ZFHX3: variants seen among roughly 807,000 people sequenced by gnomAD.
ZFHX3 encodes zinc finger homeobox protein 3.
In ZFHX3, 42 loss-of-function variants were observed where a neutral mutation model predicts 279.1. The ratio of observed to expected loss-of-function variants is 0.15; its 90% CI spans 0.12 to 0.19. ZFHX3 has a LOEUF of 0.19. Ranked by LOEUF, ZFHX3 falls within the 10% of genes least tolerant of loss-of-function variation. ZFHX3 has a pLI of 1.00. For synonymous variants in ZFHX3, 2,293 were observed against 1,957.8 expected (o/e 1.17, Z -4.52); for missense variants, 4,981 against 4,754.0 (o/e 1.05, Z -1.40).
intron 4 of ZFHX3, among the ~76,000 whole-genome samples, chr16:72,830,221 C>G (rs1228028519): frequency 6.6e-6 from 1 of 152,252 alleles, no homozygotes; most frequent in Non-Finnish European, 1.5e-5. Flanking sequence ...GTCTTTTACA[C>G]TTGAAAATGC....
intron 5 of ZFHX3, among the ~76,000 whole-genome samples, chr16:72,824,100 C>T (rs2036871916): frequency 6.6e-6 from 1 of 152,094 alleles, no homozygotes; most frequent in Admixed American, 6.5e-5. Context: ...AGATTTGCAC[C>T]AGGATGTGCC....
intron 1 of ZFHX3, among the ~76,000 whole-genome samples, chr16:73,776,659 G>A (rs1959255148): frequency 6.6e-6 from 1 of 152,130 alleles, no homozygotes; most frequent in Admixed American, 6.6e-5. Flanking sequence ...GGGGGATTGG[G>A]ATAAGGTAAA....
chr16:73,656,306 G>C (rs1206921889), intron 2 of ZFHX3, among the ~76,000 whole-genome samples: 1 of 151,998 alleles, frequency 6.6e-6, no homozygotes, highest in Non-Finnish European at 1.5e-5. Flanking sequence ...AATCTTGCAA[G>C]CATAATGTTG....
At position 73,435,461 on chromosome 16, in the gene ZFHX3, C is replaced by T. The variant is rs1005954001; in HGVS notation, c.-1291+20542G>A. ...CTGACCTCAGGTGATCTGCCTGCCT[C>T]GGCCTCCCAAAGTGCTGGGATTACA... On this transcript the variant is annotated intron_variant, in intron 3 of 17. Coordinates refer to the ZFHX3 transcript ENST00000641206. 1.8e-4 allele frequency among the ~76,000 whole-genome samples: 27 copies of T among 152,110 alleles called. No homozygotes were observed. In the East Asian group the frequency reaches 2.9e-3, roughly 16 times the overall value.
At chr16:73,671,583 G>A (rs1157032502) in intron 2 of ZFHX3, among the ~76,000 whole-genome samples, 2 of 152,208 alleles carry the variant, frequency 1.3e-5, no homozygotes, top group East Asian at 1.9e-4. Context: ...ACCTGGCAGG[G>A]TGCCTGCAGT....
rs151302922 is a variant in ZFHX3 at position 72,900,111 on chromosome 16, C to A, written c.3217-10149G>T. ...CTGTTGGTGTAGGCAGAGCCCAGAT[C>A]CAAAGCTTAAGCCCATGCCCTTGCC... is the stretch of plus-strand genomic sequence containing the variant. On this transcript the variant is annotated intron_variant, in intron 3 of 9. Coordinates refer to ENST00000268489, the MANE Select transcript of ZFHX3 (RefSeq NM_006885.4). Among the ~76,000 whole-genome samples the A allele has an allele frequency of 7.7e-5, 10 of 130,496 alleles. No individual in the cohort carries two copies. The East Asian group carries it at 2.3e-3, about 29-fold the overall frequency. The allele number at this position is 130,496 out of a possible 152,430, so 85.6% of individuals were successfully genotyped here.
At chr16:73,810,600 A>G (rs925619309) in intron 1 of ZFHX3, among the ~76,000 whole-genome samples, 21 of 152,208 alleles carry the variant, frequency 1.4e-4, no homozygotes, top group African/African-American at 4.8e-4. Context: ...TTGAGCCTTA[A>G]TGCAACCCTA....
At chr16:73,399,235 G>A (rs1383896037) in intron 3 of ZFHX3, among the ~76,000 whole-genome samples, 1 of 152,108 alleles carries the variant, frequency 6.6e-6, no homozygotes, top group Non-Finnish European at 1.5e-5. Flanking sequence ...GGGAACCTGA[G>A]TATCTGGATT....
chr16:73,222,030 C>T (rs532255890), intron 5 of ZFHX3, among the ~76,000 whole-genome samples: 67 of 152,124 alleles, frequency 4.4e-4, no homozygotes, highest in African/African-American at 1.5e-3. Flanking sequence ...TTATACATAA[C>T]TCAATGATGA....
chr16:73,530,890 T>C (rs1243384575), intron 2 of ZFHX3, among the ~76,000 whole-genome samples: 2 of 152,248 alleles, frequency 1.3e-5, no homozygotes, highest in East Asian at 3.8e-4. Flanking sequence ...TGAATTGAAT[T>C]CTGCCCCTTG....
At chr16:73,768,393 T>C (rs1370003847) in intron 1 of ZFHX3, among the ~76,000 whole-genome samples, 1 of 152,210 alleles carries the variant, frequency 6.6e-6, no homozygotes, top group African/African-American at 2.4e-5. Context: ...TTTATGTTAT[T>C]ACTCAATGTT....
chr16:72,945,747 C>T (rs996869551), intron 3 of ZFHX3, among the ~76,000 whole-genome samples: 4 of 152,066 alleles, frequency 2.6e-5, no homozygotes, highest in African/African-American at 7.2e-5. Context: ...CCATATGACA[C>T]TTTCACCGGA....
intron 1 of ZFHX3, among the ~76,000 whole-genome samples, chr16:73,852,127 G>T (rs1403952509): frequency 3.3e-5 from 5 of 152,208 alleles, no homozygotes; most frequent in African/African-American, 1.2e-4. Context: ...TGCTCAGGGT[G>T]AATATAAATG....
chr16:72,877,489 C>A (rs1013534636), intron 4 of ZFHX3, among the ~76,000 whole-genome samples: 2 of 152,126 alleles, frequency 1.3e-5, no homozygotes, highest in Non-Finnish European at 2.9e-5. Context: ...GAGTGTCCAG[C>A]GTAGGAGGAG....
At chr16:73,575,318 G>A (rs1443880549) in intron 2 of ZFHX3, among the ~76,000 whole-genome samples, 1 of 152,220 alleles carries the variant, frequency 6.6e-6, no homozygotes, top group Admixed American at 6.5e-5. Context: ...ATTCTCAGAA[G>A]CTGTGTAAGG....
At position 73,676,166 on chromosome 16, in the gene ZFHX3, A is replaced by T. The variant is rs1440960542; in HGVS notation, c.-1547+4014T>A. Among the ~76,000 whole-genome samples, 4 of 152,074 alleles carry T rather than the reference A, an allele frequency of 2.6e-5. 1 individual carries two copies. Among genetic ancestry groups the T allele is most frequent in the Admixed American group, 2.0e-4 (3 of 15,252 alleles). ...ATAACAATAACTAATTATAGCAAAA[A>T]TTTTAAAAGCTAAGTAGAAATTATA... On this transcript the variant is annotated intron_variant, in intron 2 of 17. Transcript: ENST00000641206.
At chr16:72,878,266 A>G (rs2038369374) in intron 4 of ZFHX3, among the ~76,000 whole-genome samples, 1 of 152,234 alleles carries the variant, frequency 6.6e-6, no homozygotes, top group Admixed American at 6.5e-5. Context: ...AATTCCCATT[A>G]TTGCCATAAA....
At chr16:73,744,321 A>G (rs911389855) in intron 1 of ZFHX3, among the ~76,000 whole-genome samples, 11 of 152,250 alleles carry the variant, frequency 7.2e-5, no homozygotes, top group Non-Finnish European at 1.6e-4. Context: ...GTCAATGACT[A>G]CAGGTGACAC....
chr16:73,661,746 G>T (rs1428013636), intron 2 of ZFHX3, among the ~76,000 whole-genome samples: 1 of 147,454 alleles, frequency 6.8e-6, no homozygotes, highest in East Asian at 2.0e-4. Flanking sequence ...AAAAAAAAAG[G>T]ATGTGTGAGG....
Sources: allele counts gnomAD v4.1 joint callset (sites outside exome capture counted in the v4.1 genomes callset), GRCh38; gene constraint gnomAD v4.1.1; transcripts MANE v1.5; gene names NCBI Gene and HGNC (gene_info 2026-07-23, HGNC 2026-07-21).